The following CIBAR2 variants were observed in gnomAD, a reference collection of about 807,000 sequenced individuals.
CIBAR2 encodes the protein CBY1-interacting BAR domain-containing protein 2.
Under a neutral mutation model 36.2 loss-of-function variants are expected in CIBAR2, and 38 were observed. The observed-to-expected ratio is 1.05, with a 90% CI of 0.81 to 1.38. The LOEUF is 1.38. Ranked by LOEUF, CIBAR2 falls within the 40% of genes most tolerant of loss-of-function variation. The pLI is 0.00. For synonymous variants in CIBAR2, 182 were observed against 149.5 expected, an observed-to-expected ratio of 1.22 and a Z score of -1.58; for missense variants, 481 against 383.4, an observed-to-expected ratio of 1.25 and a Z score of -2.13.
rs2073944598 is a variant in CIBAR2, at chr16:85,100,197, G to C, written c.695C>G (p.Thr232Ser). ...KMQGVYGHYD[T>S]RLLANTSPPP... Reference sequence around the variant, plus strand: ...GGGGCTGGTGTTGGCAAGCAGCCGAGTGTCATAATGCCCATAAACTCCTTG... The same window carrying C: ...GGGGCTGGTGTTGGCAAGCAGCCGACTGTCATAATGCCCATAAACTCCTTG... Residue 232 changes from threonine (T) to serine (S), a missense_variant, in exon 8 of 9, where the codon ACT (threonine) becomes AGT (serine). By Grantham distance (58) the Thr-to-Ser change is moderately conservative (BLOSUM62 1). Coordinates refer to ENST00000539556, the MANE Select transcript of CIBAR2 (RefSeq NM_198491.3). The C allele has an allele frequency of 6.2e-7, 1 of 1,611,640 alleles. No individual in the cohort carries two copies. Among genetic ancestry groups the C allele is most frequent in the Non-Finnish European group, 8.5e-7 (1 of 1,179,296 alleles).
chr16:85,107,008 C>T (rs537008032), intron 5 of CIBAR2, among the ~76,000 whole-genome samples: 20 of 152,214 alleles, frequency 1.3e-4, no homozygotes, highest in Non-Finnish European at 2.8e-4. Context: ...TAGCCAGGCA[C>T]AGTGGTGGGC....
chr16:85,107,077 C>T (rs1212814332), intron 5 of CIBAR2, among the ~76,000 whole-genome samples: 3 of 151,746 alleles, frequency 2.0e-5, no homozygotes, highest in East Asian at 1.9e-4. Flanking sequence ...ACCCTGGAGG[C>T]GGAGGTTGCA....
intron 5 of CIBAR2, among the ~76,000 whole-genome samples, chr16:85,106,442 T>C (rs2073996407): frequency 6.6e-6 from 1 of 152,092 alleles, no homozygotes; most frequent in Non-Finnish European, 1.5e-5. Context: ...ATCCTTGCCA[T>C]GGGAGATGAT....
chr16:85,110,935 C>T (rs62051663), intron 1 of CIBAR2, among the ~76,000 whole-genome samples: 1 of 151,928 alleles, frequency 6.6e-6, no homozygotes, highest in South Asian at 2.1e-4. Flanking sequence ...GAACTCCTGA[C>T]CTCAGGTGAT....
At position 85,099,177 on chromosome 16, in the gene CIBAR2, C is replaced by T. The variant is rs371749784; in HGVS notation, c.*8G>A. On this transcript the variant is annotated 3_prime_UTR_variant, in exon 9 of 9. Coordinates refer to ENST00000539556, the MANE Select transcript of CIBAR2 (RefSeq NM_198491.3). ...TAAACGGCTTGGGATTGCACTTACC[C>T]TACGTCGTTAGAGAGAATGTCCTGG... The T allele has an allele frequency of 2.4e-5, 38 of 1,552,794 alleles. No individual in the cohort carries two copies. Among genetic ancestry groups the T allele is most frequent in the Non-Finnish European group, 3.1e-5 (36 of 1,151,776 alleles).
chr16:85,106,608 C>T (rs1597668905), intron 5 of CIBAR2, among the ~76,000 whole-genome samples: 1 of 152,278 alleles, frequency 6.6e-6, no homozygotes, highest in African/African-American at 2.4e-5. Flanking sequence ...TGTGCGTGGC[C>T]TCTGGAAGCT....
At chr16:85,103,662 C>T (rs1252797085) in intron 6 of CIBAR2, among the ~76,000 whole-genome samples, 1 of 152,228 alleles carries the variant, frequency 6.6e-6, no homozygotes, top group Non-Finnish European at 1.5e-5. Flanking sequence ...GCCATGTAGG[C>T]AGCGTGAGCA....
rs62049953 is a variant in CIBAR2, at chr16:85,100,036, G to T, written c.753+103C>A. On this transcript the variant is annotated intron_variant, in intron 8 of 8. Transcript: ENST00000539556. ...CTCCTCAGCCTCCCATTTCAAATTC[G>T]AGTTCTCAGCCACCCTCCTCTAATC... 1,788 of 870,242 alleles carry T rather than the reference G, an allele frequency of 2.1e-3. 18 individuals carry two copies. The African/African-American group carries it at 0.028, about 13-fold the overall frequency. 53.9% of individuals were successfully genotyped at this position (870,242 alleles called of 1,614,324 possible). A position where few individuals can be genotyped will look rare whatever the true frequency, so the allele number is the denominator to read the frequency against.
chr16:85,105,502 C>G, intron 5 of CIBAR2, 71 bp from the exon 6 acceptor site: 1 of 1,100,654 alleles, frequency 9.1e-7, no homozygotes, highest in Non-Finnish European at 1.4e-6. Flanking sequence ...CTTTCTGAAT[C>G]ACTCTGTCTC....
In CIBAR2 at chr16:85,107,009, A is replaced by T. The variant is rs1261570555; in HGVS notation, c.432+658T>A. ...AAAAATATAAAAATTAGCCAGGCAC[A>T]GTGGTGGGCACCTGTAATCCCAGCT... On this transcript the variant is annotated intron_variant, in intron 5 of 8. Transcript: ENST00000539556. Among the ~76,000 whole-genome samples, 4 of 152,264 alleles carry T rather than the reference A, an allele frequency of 2.6e-5. No individual in the cohort carries two copies. The South Asian group carries it at 8.3e-4, about 32-fold the overall frequency.
At chr16:85,109,554 T>C (rs11641330) in intron 2 of CIBAR2, among the ~76,000 whole-genome samples, 50,446 of 152,164 alleles carry the variant, frequency 0.33, 10,263 homozygotes, top group African/African-American at 0.58. Flanking sequence ...GATAAAGTCT[T>C]GTACTGTCTC....
intron 4 of CIBAR2, 42 bp from the exon 5 acceptor site, chr16:85,107,714 G>A (rs2074007287): frequency 1.9e-6 from 3 of 1,613,262 alleles, no homozygotes; most frequent in Admixed American, 1.7e-5. Flanking sequence ...AGCCCAGGCA[G>A]CCCCGTTGGG....
rs1257262261 is a variant in CIBAR2 at position 85,100,194 on chromosome 16, C to T, written c.698G>A (p.Arg233Gln). ...AGGGGGGCTGGTGTTGGCAAGCAGC[C>T]GAGTGTCATAATGCCCATAAACTCC... ...MQGVYGHYDT[R>Q]LLANTSPPPS... The change falls in exon 8 of 9, where the codon CGG becomes CAG. Residue 233 changes from arginine (R) to glutamine (Q), a missense_variant. Coordinates refer to ENST00000539556, the MANE Select transcript of CIBAR2 (RefSeq NM_198491.3). 2.3e-5 allele frequency: 37 copies of T among 1,611,554 alleles called. No individual in the cohort carries two copies. Among genetic ancestry groups the T allele is most frequent in the Non-Finnish European group, 3.0e-5 (35 of 1,179,220 alleles).
intron 6 of CIBAR2, among the ~76,000 whole-genome samples, chr16:85,104,244 G>C (rs34060650): frequency 0.1 from 15,764 of 152,248 alleles, 1,020 homozygotes; most frequent in Middle Eastern, 0.15. Context: ...AAAGGCCTCG[G>C]GTAGGAATGG....
At chr16:85,108,779 C>A (rs929564076) in intron 2 of CIBAR2, among the ~76,000 whole-genome samples, 1 of 152,100 alleles carries the variant, frequency 6.6e-6, no homozygotes, top group Non-Finnish European at 1.5e-5. Flanking sequence ...GAGGCTGAGG[C>A]AGGAGAATCG....
chr16:85,100,071 A>C, intron 8 of CIBAR2, 68 bp downstream of exon 8: 1 of 1,219,050 alleles, frequency 8.2e-7, no homozygotes, highest in Non-Finnish European at 1.2e-6. Flanking sequence ...CCCTGGGGTT[A>C]CTACCACGGG....
intron 8 of CIBAR2, 113 bp from the exon 9 acceptor site, chr16:85,099,459 C>A (rs1640244821): frequency 4.4e-6 from 3 of 687,668 alleles, no homozygotes; most frequent in Non-Finnish European, 7.7e-6. Flanking sequence ...ATTCTGGAAC[C>A]CGCGGGCCCA....
In CIBAR2 at chr16:85,107,545, C is replaced by A. The variant is rs559380376; in HGVS notation, c.432+122G>T. 5 of 1,116,806 alleles carry A rather than the reference C, an allele frequency of 4.5e-6. No individual in the cohort carries two copies. The African/African-American group carries it at 7.7e-5, about 17-fold the overall frequency. The allele number at this position is 1,116,806 out of a possible 1,614,324, so 69.2% of individuals were successfully genotyped here. A position where few individuals can be genotyped will look rare whatever the true frequency, so the allele number is the denominator to read the frequency against. Reference sequence around the variant, plus strand: ...TTACTGGTACCTTTGGCTTTCCCAACCTGAGCGCAAGGTCCTGCACACACC... The same window carrying A: ...TTACTGGTACCTTTGGCTTTCCCAAACTGAGCGCAAGGTCCTGCACACACC... On this transcript the variant is annotated intron_variant, in intron 5 of 8. Coordinates refer to ENST00000539556, the MANE Select transcript of CIBAR2 (RefSeq NM_198491.3).
chr16:85,109,995 T>G (rs2074027667), intron 2 of CIBAR2, among the ~76,000 whole-genome samples: 1 of 152,156 alleles, frequency 6.6e-6, no homozygotes, highest in Non-Finnish European at 1.5e-5. Flanking sequence ...CTTCCTGGGT[T>G]TCCTTGCTTT....
Sources: gnomAD v4.1 joint callset for allele counts (sites outside exome capture counted in the v4.1 genomes callset) on GRCh38, gnomAD v4.1.1 for gene constraint, MANE v1.5 for transcripts, NCBI Gene and HGNC (gene_info 2026-07-23, HGNC 2026-07-21) for gene names.